The following NXPE3 variants were observed in gnomAD, a reference collection of about 807,000 sequenced individuals.
NXPE3 encodes the protein NXPE family member 3.
NXPE3 carries 26 observed loss-of-function variants against 46.1 expected under a neutral mutation model. The ratio of observed to expected loss-of-function variants is 0.56; its 90% CI spans 0.41 to 0.78. The LOEUF (loss-of-function observed/expected upper bound fraction) is 0.78, where lower values mean the gene tolerates loss of function less well. Among genes scored for constraint, NXPE3 ranks in the 30% least tolerant of loss-of-function variants. NXPE3 has a pLI of 0.00. For missense variants in NXPE3, 620 were observed against 686.0 expected (o/e 0.90, Z 1.07); for synonymous variants, 272 against 257.9 (o/e 1.05, Z -0.52).
chr3:101,825,025 A>C lies in NXPE3; in HGVS notation c.*3071A>C, dbSNP rs533256439. The stretch of plus-strand genomic sequence containing the variant: ...TTTTTTTTTAACAACTTTTAAGTTC[A>C]GGGGTACATGTGCCAGTTTGTTTCA... On this transcript the variant is annotated 3_prime_UTR_variant, in exon 8 of 8. Coordinates refer to ENST00000273347, the MANE Select transcript of NXPE3 (RefSeq NM_145037.4). 1 of 152,250 alleles carries C rather than the reference A, an allele frequency of 6.6e-6. No homozygotes were observed. Among genetic ancestry groups the C allele is most frequent in the East Asian group, 1.9e-4 (1 of 5,186 alleles). 9.4% of individuals were successfully genotyped at this position (152,250 alleles called of 1,614,324 possible).
chr3:101,788,126 T>C (rs1940299788), intron 4 of NXPE3, among the ~76,000 whole-genome samples: 1 of 152,232 alleles, frequency 6.6e-6, no homozygotes, highest in Admixed American at 6.5e-5. Flanking sequence ...TAGTTTTAAT[T>C]TGCATTGCCA....
chr3:101,821,803 G>A lies in NXPE3; in HGVS notation c.1529G>A (p.Arg510Gln), dbSNP rs771810002. Residue 510 changes from arginine (R) to glutamine (Q), a missense_variant, in exon 8 of 8, where the codon CGG becomes CAG. By Grantham distance (43) the Arg-to-Gln change is conservative (BLOSUM62 1). This residue lies in a region of NXPE3 where 75 missense variants were observed against 121.1 expected (regional missense o/e 0.62). Coordinates refer to ENST00000273347, the MANE Select transcript of NXPE3 (RefSeq NM_145037.4). ...AACTTTCAGCTGGACACCATCCTTC[G>A]GAGGATGTTCTCAGGGGTTGGAGTA... Reference protein sequence around the residue: ...WYNFQLDTILRRMFSGVGVYL... With the variant: ...WYNFQLDTILQRMFSGVGVYL... The A allele has an allele frequency of 6.2e-6, 10 of 1,614,068 alleles. No homozygotes were observed. Among genetic ancestry groups the A allele is most frequent in the Admixed American group, 1.7e-5 (1 of 59,998 alleles).
chr3:101,815,232 T>C (rs531091240), intron 6 of NXPE3, among the ~76,000 whole-genome samples: 1 of 152,388 alleles, frequency 6.6e-6, no homozygotes, highest in Admixed American at 6.5e-5. Context: ...ATTTTTAGCA[T>C]TGTTCATTAT....
chr3:101,801,625 G>A lies in NXPE3; in HGVS notation c.484G>A (p.Val162Met). The change falls in exon 5 of 8, where the codon GTG (valine) becomes ATG (methionine). Residue 162 changes from valine (V) to methionine (M), a missense_variant. Physicochemically the swap from Val to Met is conservative, Grantham distance 21 (BLOSUM62 1). Around this residue, in one of 3 missense-constraint regions of NXPE3, gnomAD observed 511 missense variants for 528.6 expected, o/e 0.97. Coordinates refer to ENST00000273347, the MANE Select transcript of NXPE3 (RefSeq NM_145037.4). ...KLQAGAVGRV[V>M]DYQNGFYKVF... ...GCAGGCTGGGGCTGTGGGCAGGGTGGTGGATTACCAGAATGGGTTTTACAA... is the reference window on the plus strand; with the variant it reads ...GCAGGCTGGGGCTGTGGGCAGGGTGATGGATTACCAGAATGGGTTTTACAA... The A allele has an allele frequency of 6.2e-7, 1 of 1,614,212 alleles. No individual in the cohort carries two copies. The highest frequency in any genetic ancestry group is 8.5e-7 in the Non-Finnish European group (1 of 1,180,024).
At chr3:101,806,219 A>C (rs1197533230) in intron 5 of NXPE3, among the ~76,000 whole-genome samples, 1 of 152,218 alleles carries the variant, frequency 6.6e-6, no homozygotes, top group Non-Finnish European at 1.5e-5. Flanking sequence ...AATAATAAAA[A>C]ATGACTGCAC....
rs944976112 is a variant in NXPE3, at chr3:101,782,282, C to A, written c.-325C>A. 6.6e-6 allele frequency: 1 copy of A among 151,910 alleles called. No individual in the cohort carries two copies. Among genetic ancestry groups the A allele is most frequent in the Non-Finnish European group, 1.5e-5 (1 of 67,980 alleles). 9.4% of individuals were successfully genotyped at this position (151,910 alleles called of 1,614,324 possible). A position where few individuals can be genotyped will look rare whatever the true frequency, so the allele number is the denominator to read the frequency against. On this transcript the variant is annotated 5_prime_UTR_variant, in exon 2 of 8. Coordinates refer to ENST00000273347, the MANE Select transcript of NXPE3 (RefSeq NM_145037.4). ...GTAAGCATCTCTTCTTGGAAAATTT[C>A]CAAAAAAGGTAAATTACATTGAATT...
In NXPE3 at chr3:101,801,496, G is replaced by T. The variant is rs1479546207; in HGVS notation, c.355G>T (p.Val119Leu). The T allele has an allele frequency of 6.2e-7, 1 of 1,614,140 alleles. No individual in the cohort carries two copies. The highest frequency in any genetic ancestry group is 1.7e-5 in the Admixed American group (1 of 60,018). Residue 119 changes from valine (V) to leucine (L), a missense_variant, in exon 5 of 8, where the codon GTG becomes TTG. By Grantham distance (32) the Val-to-Leu change is conservative. Around this residue, in one of 3 missense-constraint regions of NXPE3, gnomAD observed 511 missense variants for 528.6 expected, o/e 0.97. Coordinates refer to ENST00000273347, the MANE Select transcript of NXPE3 (RefSeq NM_145037.4). ...VILNSAAFFK[V>L]GSQLEVLVHV... Reference sequence around the variant, plus strand: ...CTTGAACTCTGCTGCCTTCTTTAAGGTGGGAAGCCAGCTTGAGGTGCTGGT... The same window carrying T: ...CTTGAACTCTGCTGCCTTCTTTAAGTTGGGAAGCCAGCTTGAGGTGCTGGT...
rs1044376666 is a variant in NXPE3 at position 101,785,455 on chromosome 3, A to G, written c.-142A>G. 9 of 690,210 alleles carry G rather than the reference A, an allele frequency of 1.3e-5. No individual in the cohort carries two copies. Among genetic ancestry groups the G allele is most frequent in the African/African-American group, 8.8e-5 (5 of 56,668 alleles). 42.8% of individuals were successfully genotyped at this position (690,210 alleles called of 1,614,324 possible). A position where few individuals can be genotyped will look rare whatever the true frequency, so the allele number is the denominator to read the frequency against. On this transcript the variant is annotated 5_prime_UTR_variant, in exon 4 of 8. Transcript: ENST00000273347. ...GAATCAACTGCAGTCTCTCCTCTGC[A>G]TAAGAGCTCTTAAGGGTACTAGCAG...
intron 6 of NXPE3, among the ~76,000 whole-genome samples, chr3:101,811,544 G>T (rs554018614): frequency 1.3e-5 from 2 of 152,192 alleles, no homozygotes; most frequent in Admixed American, 6.5e-5. Flanking sequence ...GACTCTGAGG[G>T]TATAGTTAGG....
intron 4 of NXPE3, among the ~76,000 whole-genome samples, chr3:101,787,262 G>T (rs763215585): frequency 6.6e-6 from 1 of 152,032 alleles, no homozygotes; most frequent in Non-Finnish European, 1.5e-5. Context: ...ACAACTCTAA[G>T]TACCTTATAC....
rs770360739 is a variant in NXPE3 at position 101,808,854 on chromosome 3, T to TATATATACATATATATATATAC, written c.922+1730_922+1731insATATACATATATATATATACAT. Among the ~76,000 whole-genome samples the TATATATACATATATATATATAC allele has an allele frequency of 1.0e-4, 10 of 100,346 alleles. 1 individual carries two copies. The South Asian group carries it at 2.5e-3, about 25-fold the overall frequency. The allele number at this position is 100,346 out of a possible 152,430, so 65.8% of individuals were successfully genotyped here. A position where few individuals can be genotyped will look rare whatever the true frequency, so the allele number is the denominator to read the frequency against. ...ATATATATATATATATATATATATA[T>TATATATACATATATATATATAC]ATGAGACATTTATCTTTTATCTGTT... On this transcript the variant is annotated intron_variant, in intron 6 of 7. Coordinates refer to ENST00000273347, the MANE Select transcript of NXPE3 (RefSeq NM_145037.4).
intron 7 of NXPE3, among the ~76,000 whole-genome samples, chr3:101,818,896 G>A (rs1006814569): frequency 6.8e-6 from 1 of 148,144 alleles, no homozygotes; most frequent in Non-Finnish European, 1.5e-5. Flanking sequence ...CTCCCAAGTA[G>A]CTGAGATTAC....
At chr3:101,802,081 T>C in intron 5 of NXPE3, 92 bp downstream of exon 5, 1 of 1,233,318 alleles carries the variant, frequency 8.1e-7, no homozygotes, top group Non-Finnish European at 1.1e-6. Context: ...CGGTATGTGT[T>C]TCTTACCTCT....
chr3:101,813,310 A>C (rs75403688), intron 6 of NXPE3, among the ~76,000 whole-genome samples: 1 of 152,188 alleles, frequency 6.6e-6, no homozygotes, highest in East Asian at 1.9e-4. Context: ...CATACCATAA[A>C]ATTAATGGAC....
At position 101,825,163 on chromosome 3, in the gene NXPE3, C is replaced by A. The variant is rs1325779000; in HGVS notation, c.*3209C>A. The A allele has an allele frequency of 1.3e-5, 2 of 152,192 alleles. No homozygotes were observed. The highest frequency in any genetic ancestry group is 4.8e-5 in the African/African-American group (2 of 41,432). The allele number at this position is 152,192 out of a possible 1,614,324, so 9.4% of individuals were successfully genotyped here. A position where few individuals can be genotyped will look rare whatever the true frequency, so the allele number is the denominator to read the frequency against. Reference sequence around the variant, plus strand: ...ATCCTCTCCCTCCTCCTACCCTCCACCCTCCAATAGACCCCAGTGTGTGTT... The same window carrying A: ...ATCCTCTCCCTCCTCCTACCCTCCAACCTCCAATAGACCCCAGTGTGTGTT... On this transcript the variant is annotated 3_prime_UTR_variant, in exon 8 of 8. Coordinates refer to ENST00000273347, the MANE Select transcript of NXPE3 (RefSeq NM_145037.4).
intron 6 of NXPE3, among the ~76,000 whole-genome samples, chr3:101,807,563 A>G (rs1264153643): frequency 1.3e-5 from 2 of 151,848 alleles, no homozygotes; most frequent in Non-Finnish European, 2.9e-5. Flanking sequence ...AGCTCAAGCA[A>G]TCCTCCCACC....
intron 4 of NXPE3, among the ~76,000 whole-genome samples, chr3:101,796,016 A>G (rs1384687138): frequency 6.6e-6 from 1 of 152,216 alleles, no homozygotes; most frequent in South Asian, 2.1e-4. Context: ...TACAATTCAA[A>G]TAGCTGTTAC....
chr3:101,794,952 C>T (rs1405065493), intron 4 of NXPE3, among the ~76,000 whole-genome samples: 3 of 152,138 alleles, frequency 2.0e-5, no homozygotes, highest in South Asian at 2.1e-4. Context: ...AAATCAGATG[C>T]GTCTTTTAGT....
rs185852468 is a variant in NXPE3, at chr3:101,819,141, A to G, written c.1129+2140A>G. ...ACTGAGGGCAAGGACTATATAGCTT[A>G]TCCATCTGAGCATTGCTGGCTTGTA... On this transcript the variant is annotated intron_variant, in intron 7 of 7. Transcript: ENST00000273347. Among the ~76,000 whole-genome samples, 15 of 152,306 alleles carry G rather than the reference A, an allele frequency of 9.8e-5. No individual in the cohort carries two copies. The East Asian group carries it at 2.5e-3, about 25-fold the overall frequency.
Sources: gnomAD v4.1 joint callset for allele counts (sites outside exome capture counted in the v4.1 genomes callset) on GRCh38, gnomAD v4.1.1 for gene constraint, gnomAD v4.1.1 regional missense constraint, MANE v1.5 for transcripts, NCBI Gene and HGNC (gene_info 2026-07-23, HGNC 2026-07-21) for gene names.